DLGAP1: variants seen among roughly 807,000 people sequenced by gnomAD.
DLGAP1 encodes DLG associated protein 1, also known as disks large-associated protein 1.
A neutral mutation model predicts 90.8 loss-of-function variants in DLGAP1; 11 were observed. That is an observed-to-expected ratio of 0.12 (90% confidence interval 0.08 to 0.20). The LOEUF is 0.20. Ranked by LOEUF, DLGAP1 falls within the 10% of genes least tolerant of loss-of-function variation. DLGAP1 has a pLI of 1.00. For missense variants in DLGAP1, 1,050 were observed against 1,333.8 expected (o/e 0.79, Z 3.31); for synonymous variants, 558 against 540.7 (o/e 1.03, Z -0.44).
chr18:4,417,263 C>G (rs1340800740), intron 1 of DLGAP1, among the ~76,000 whole-genome samples: 1 of 152,002 alleles, frequency 6.6e-6, no homozygotes, highest in East Asian at 1.9e-4. Context: ...ATAAAACAAT[C>G]ACTAAAATAT....
Position 4,115,167 on chromosome 18 carries a change from CA to C in DLGAP1, c.-159+36012del, listed in dbSNP as rs536311372. ...CTAGTGCTTACCATGCATGTCTTATCAAAATCGACTTCAGATTTATATAAAA... is the reference window on the plus strand; with the variant it reads ...CTAGTGCTTACCATGCATGTCTTATCAAATCGACTTCAGATTTATATAAAA... On this transcript the variant is annotated intron_variant, in intron 2 of 12. Transcript: ENST00000315677. Among the ~76,000 whole-genome samples the C allele has an allele frequency of 1.1e-4, 16 of 152,142 alleles. No homozygotes were observed. The South Asian group carries it at 3.3e-3, about 32-fold the overall frequency.
At chr18:4,131,647 T>A (rs2076318694) in intron 2 of DLGAP1, among the ~76,000 whole-genome samples, 1 of 152,074 alleles carries the variant, frequency 6.6e-6, no homozygotes, top group Admixed American at 6.6e-5. Context: ...CAATAATATC[T>A]AGAAGAATCA....
intron 7 of DLGAP1, among the ~76,000 whole-genome samples, chr18:3,641,808 G>A (rs2058956845): frequency 6.6e-6 from 1 of 152,094 alleles, no homozygotes; most frequent in East Asian, 1.9e-4. Flanking sequence ...TAGATGCTGG[G>A]CCTAGGCTTA....
intron 7 of DLGAP1, among the ~76,000 whole-genome samples, chr18:3,700,100 C>T (rs1441463489): frequency 3.9e-5 from 6 of 152,176 alleles, no homozygotes; most frequent in African/African-American, 1.4e-4. Context: ...CACTTGGCTC[C>T]CTGGCTTCAG....
At chr18:4,280,725 T>C (rs991222297) in intron 1 of DLGAP1, 5 of 152,218 alleles carry the variant, frequency 3.3e-5, no homozygotes, top group African/African-American at 1.2e-4. Context: ...TTGGTTCCTT[T>C]CTAGGGAGGA....
At chr18:3,822,590 T>C (rs1198743731) in intron 4 of DLGAP1, among the ~76,000 whole-genome samples, 1 of 152,216 alleles carries the variant, frequency 6.6e-6, no homozygotes, top group African/African-American at 2.4e-5. Flanking sequence ...AATTTCCTAC[T>C]GGGTTTGAAG....
At chr18:3,806,679 C>T (rs574339833) in intron 5 of DLGAP1, among the ~76,000 whole-genome samples, 1 of 152,252 alleles carries the variant, frequency 6.6e-6, no homozygotes, top group East Asian at 1.9e-4. Flanking sequence ...ACAGAAAAGA[C>T]GAAGGAATTT....
chr18:4,200,041 T>C (rs575168893), intron 1 of DLGAP1, among the ~76,000 whole-genome samples: 1 of 152,312 alleles, frequency 6.6e-6, no homozygotes, highest in African/African-American at 2.4e-5. Flanking sequence ...ATATTTTACA[T>C]TGTTATTGTA....
chr18:3,908,727 G>A (rs939794225), intron 3 of DLGAP1, among the ~76,000 whole-genome samples: 2 of 152,150 alleles, frequency 1.3e-5, no homozygotes, highest in Non-Finnish European at 2.9e-5. Flanking sequence ...GATAAGATTA[G>A]CAGGTAACAT....
At chr18:3,508,540 G>A in intron 11 of DLGAP1, 30 bp downstream of exon 11, 2 of 1,540,988 alleles carry the variant, frequency 1.3e-6, no homozygotes, top group Non-Finnish European at 1.8e-6. Context: ...GGCACTAGCA[G>A]GGAAATTGTA....
At chr18:4,085,452 T>C (rs8089565) in intron 2 of DLGAP1, among the ~76,000 whole-genome samples, 42,684 of 151,472 alleles carry the variant, frequency 0.28, 6,326 homozygotes, top group African/African-American at 0.32. Flanking sequence ...TTTATTCCCT[T>C]CTTACCACAG....
chr18:3,770,190 A>T (rs2064458097), intron 5 of DLGAP1: 1 of 152,136 alleles, frequency 6.6e-6, no homozygotes, highest in Non-Finnish European at 1.5e-5. Flanking sequence ...TGGACTTGGG[A>T]CCTGGTTGGA....
intron 3 of DLGAP1, among the ~76,000 whole-genome samples, chr18:3,967,683 C>T (rs1162247515): frequency 1.3e-5 from 2 of 152,132 alleles, no homozygotes; most frequent in Non-Finnish European, 2.9e-5. Flanking sequence ...ATTGATCACT[C>T]TCTGTTTCAT....
intron 2 of DLGAP1, among the ~76,000 whole-genome samples, chr18:4,114,745 T>C (rs1374509705): frequency 1.3e-5 from 2 of 152,176 alleles, no homozygotes; most frequent in Non-Finnish European, 2.9e-5. Context: ...AGTTTATGTA[T>C]GTCGTCTCAT....
At chr18:4,155,126 C>T (rs922909483) in intron 1 of DLGAP1, among the ~76,000 whole-genome samples, 1 of 151,754 alleles carries the variant, frequency 6.6e-6, no homozygotes, top group East Asian at 1.9e-4. Context: ...GAGTGAGTCC[C>T]ATGCCAGAGA....
chr18:3,828,755 A>G (rs2067873307), intron 4 of DLGAP1, among the ~76,000 whole-genome samples: 1 of 151,920 alleles, frequency 6.6e-6, no homozygotes, highest in South Asian at 2.1e-4. Context: ...CAATGTCAAT[A>G]TGAAATATTG....
rs752218280 is a variant in DLGAP1 at position 3,534,653 on chromosome 18, A to ATTTC, written c.2058-42_2058-39dup. On this transcript the variant is annotated intron_variant, in intron 9 of 12. Coordinates refer to ENST00000315677, the MANE Select transcript of DLGAP1 (RefSeq NM_004746.4). Reference sequence around the variant, plus strand: ...GAAAAAAGAAATTTAGTTAGAGGATATTTCTTTCTTTCCTTCCTTCCTTCC... The same window carrying ATTTC: ...GAAAAAAGAAATTTAGTTAGAGGATATTTCTTTCTTTCTTTCCTTCCTTCCTTCC... The ATTTC allele has an allele frequency of 7.2e-6, 10 of 1,397,690 alleles. No individual in the cohort carries two copies. The East Asian group carries it at 7.5e-5, about 10-fold the overall frequency. The allele number at this position is 1,397,690 out of a possible 1,614,324, so 86.6% of individuals were successfully genotyped here. A position where few individuals can be genotyped will look rare whatever the true frequency, so the allele number is the denominator to read the frequency against.
chr18:3,834,059 C>G (rs1442075514), intron 4 of DLGAP1, among the ~76,000 whole-genome samples: 1 of 152,076 alleles, frequency 6.6e-6, no homozygotes, highest in East Asian at 1.9e-4. Flanking sequence ...GTGATCCCAG[C>G]ACTTTGGGAG....
At chr18:4,222,248 T>C (rs1190617454) in intron 1 of DLGAP1, among the ~76,000 whole-genome samples, 2 of 152,190 alleles carry the variant, frequency 1.3e-5, no homozygotes, top group Admixed American at 6.6e-5. Context: ...CTTAAAGTGA[T>C]ATTCAATATG....
Sources: gnomAD v4.1 joint callset for allele counts (sites outside exome capture counted in the v4.1 genomes callset) on GRCh38, gnomAD v4.1.1 for gene constraint, MANE v1.5 for transcripts, NCBI Gene and HGNC (gene_info 2026-07-23, HGNC 2026-07-21) for gene names.